Variants in MTMR9 observed in about 807,000 individuals in gnomAD.
The protein encoded by MTMR9 is myotubularin related protein 9, also known as myotubularin-related protein 9.
A neutral mutation model predicts 69.5 loss-of-function variants in MTMR9; 39 were observed. The observed-to-expected ratio is 0.56, with a 90% confidence interval of 0.43 to 0.73. The LOEUF is 0.73. Among genes scored for constraint, MTMR9 ranks in the 30% least tolerant of loss-of-function variants. The pLI is 0.00. For missense variants in MTMR9, 900 were observed against 671.2 expected, an observed-to-expected ratio of 1.34 and a Z score of -3.77; for synonymous variants, 354 against 240.8, an observed-to-expected ratio of 1.47 and a Z score of -4.35.
At chr8:11,330,458 C>T (rs887758976), downstream of MTMR9, among the ~76,000 whole-genome samples, 9 of 152,048 alleles carry the variant, frequency 5.9e-5, no homozygotes, top group African/African-American at 1.2e-4. Flanking sequence ...ATGACGATGG[C>T]GGTTTTGTGG....
chr8:11,315,029 G>C lies in MTMR9; in HGVS notation c.1078G>C (p.Gly360Arg). Reference protein sequence around the residue: ...ILEPRSRTIRGFEALIEREWL... With the variant: ...ILEPRSRTIRRFEALIEREWL... Reference sequence around the variant, plus strand: ...AGAGCCAAGAAGCAGGACCATTCGTGGTTTTGAGGCCCTGATTGAAAGAGA... The same window carrying C: ...AGAGCCAAGAAGCAGGACCATTCGTCGTTTTGAGGCCCTGATTGAAAGAGA... Residue 360 changes from glycine (G) to arginine (R), a missense_variant, in exon 7 of 10, where the codon GGT (glycine) becomes CGT (arginine). Physicochemically the swap from Gly to Arg is moderately radical, Grantham distance 125. Coordinates refer to ENST00000221086, the MANE Select transcript of MTMR9 (RefSeq NM_015458.4). 1 of 1,613,870 alleles carries C rather than the reference G, an allele frequency of 6.2e-7. No individual in the cohort carries two copies. Among genetic ancestry groups the C allele is most frequent in the Non-Finnish European group, 8.5e-7 (1 of 1,179,820 alleles).
Position 11,312,258 on chromosome 8 carries a change from C to T in MTMR9, c.971+2570C>T, listed in dbSNP as rs189513194. On this transcript the variant is annotated intron_variant, in intron 6 of 9. Coordinates refer to ENST00000221086, the MANE Select transcript of MTMR9 (RefSeq NM_015458.4). Reference sequence around the variant, plus strand: ...AGAGATGTGGTTTCTGTTTATTGCCCGGTCTGGTCTCAAATTCCTGAGCTC... The same window carrying T: ...AGAGATGTGGTTTCTGTTTATTGCCTGGTCTGGTCTCAAATTCCTGAGCTC... Among the ~76,000 whole-genome samples the T allele has an allele frequency of 2.2e-4, 33 of 152,132 alleles. No individual in the cohort carries two copies. The East Asian group carries it at 4.4e-3, about 20-fold the overall frequency.
chr8:11,331,182 C>T (rs563824100), downstream of MTMR9: 53 of 1,613,706 alleles, frequency 3.3e-5, no homozygotes, highest in South Asian at 7.7e-5. Context: ...ACCCAGCCTC[C>T]GCTGGCACCA....
At chr8:11,319,151 G>C (rs1279222929) in intron 8 of MTMR9, 6 of 151,236 alleles carry the variant, frequency 4.0e-5, no homozygotes, top group African/African-American at 1.5e-4. Flanking sequence ...TGTAAATAAT[G>C]AAGACCCTGG....
Position 11,284,879 on chromosome 8 carries a change from G to GC in MTMR9, c.-9dup. ...CGGGCTCGGTTCCCTGGCTCCGGCCGCGGGGGAGCATGGAGTTTGCGGAGC... is the reference window on the plus strand; with the variant it reads ...CGGGCTCGGTTCCCTGGCTCCGGCCGCCGGGGGAGCATGGAGTTTGCGGAGC... On this transcript the variant is annotated 5_prime_UTR_variant, in exon 1 of 10. Coordinates refer to ENST00000221086, the MANE Select transcript of MTMR9 (RefSeq NM_015458.4). 1 of 1,491,692 alleles carries GC rather than the reference G, an allele frequency of 6.7e-7. No individual in the cohort carries two copies. The highest frequency in any genetic ancestry group is 8.9e-7 in the Non-Finnish European group (1 of 1,127,340). The allele number at this position is 1,491,692 out of a possible 1,614,324, so 92.4% of individuals were successfully genotyped here. A position where few individuals can be genotyped will look rare whatever the true frequency, so the allele number is the denominator to read the frequency against.
chr8:11,287,786 TTATATATAATACATATTA>T (rs1312206661), intron 1 of MTMR9, among the ~76,000 whole-genome samples: 1 of 110,212 alleles, frequency 9.1e-6, no homozygotes, highest in African/African-American at 3.6e-5. Flanking sequence ...TTATTATATA[TTATATATAATACATATTA>T]TATAATACAT....
At chr8:11,329,253 G>A (rs957838414), downstream of MTMR9, among the ~76,000 whole-genome samples, 1 of 152,154 alleles carries the variant, frequency 6.6e-6, no homozygotes, top group African/African-American at 2.4e-5. Flanking sequence ...AATTAGCCAG[G>A]CATGATGGTG....
At chr8:11,329,952 G>A (rs1280335460), downstream of MTMR9, among the ~76,000 whole-genome samples, 4 of 150,688 alleles carry the variant, frequency 2.7e-5, no homozygotes, top group South Asian at 2.1e-4. Flanking sequence ...GGTGAGAAGC[G>A]TCTCTGCCCG....
intron 1 of MTMR9, among the ~76,000 whole-genome samples, chr8:11,292,089 C>G (rs1307451777): frequency 6.6e-6 from 1 of 152,044 alleles, no homozygotes; most frequent in Admixed American, 6.6e-5. Context: ...TTTGCATTAT[C>G]TAGAAATTTA....
intron 8 of MTMR9, 75 bp from the exon 9 acceptor site, chr8:11,319,586 ATCTTCTTTCATACTGAGAAGAAATTG>A: frequency 8.0e-7 from 1 of 1,244,968 alleles, no homozygotes. Flanking sequence ...CTTGTATTCT[ATCTTCTTTCATACTGAGAAGAAATTG>A]TCCTCGTAAG....
At chr8:11,297,140 C>G (rs535716403) in intron 2 of MTMR9, among the ~76,000 whole-genome samples, 7 of 152,210 alleles carry the variant, frequency 4.6e-5, no homozygotes, top group African/African-American at 1.4e-4. Context: ...CTAATCTGGA[C>G]TTTGTGTCCA....
the MTMR9 span, among the ~76,000 whole-genome samples, chr8:11,334,026 C>T: frequency 2.6e-5 from 4 of 152,174 alleles, no homozygotes; most frequent in Non-Finnish European, 1.5e-5. Flanking sequence ...AGCCCCGGTC[C>T]TTTTCTGTCT....
intron 2 of MTMR9, among the ~76,000 whole-genome samples, chr8:11,296,550 C>A (rs1529855): frequency 1.3e-5 from 2 of 152,142 alleles, no homozygotes; most frequent in Non-Finnish European, 2.9e-5. Flanking sequence ...TCCCCTCTCT[C>A]CAGCTCCTGA....
chr8:11,322,562 A>T (rs914470019), intron 9 of MTMR9, 63 bp from the exon 10 acceptor site: 5 of 1,381,438 alleles, frequency 3.6e-6, no homozygotes, highest in Admixed American at 1.9e-5. Context: ...TTATCCACAA[A>T]TGTAATTTTA....
intron 1 of MTMR9, among the ~76,000 whole-genome samples, chr8:11,293,466 T>G (rs1799436288): frequency 6.6e-6 from 1 of 152,200 alleles, no homozygotes. Flanking sequence ...AGCCTGTTGA[T>G]GAAGTCCTCA....
At chr8:11,312,111 C>G (rs1800224160) in intron 6 of MTMR9, among the ~76,000 whole-genome samples, 1 of 152,066 alleles carries the variant, frequency 6.6e-6, no homozygotes, top group Non-Finnish European at 1.5e-5. Flanking sequence ...GTGGCAGGAT[C>G]ACGGCGCACC....
intron 3 of MTMR9, chr8:11,300,633 C>T (rs1198089617): frequency 6.6e-6 from 1 of 151,580 alleles, no homozygotes; most frequent in African/African-American, 2.4e-5. Context: ...AAAATAAGAG[C>T]AGAAAGCAAT....
chr8:11,332,751 G>C (rs1023322650), downstream of MTMR9, among the ~76,000 whole-genome samples: 3 of 152,232 alleles, frequency 2.0e-5, no homozygotes, highest in Admixed American at 2.0e-4. Flanking sequence ...ACAGGTGCAT[G>C]CCACCACACG....
intron 1 of MTMR9, among the ~76,000 whole-genome samples, chr8:11,294,391 C>T (rs1312193659): frequency 6.6e-6 from 1 of 151,622 alleles, no homozygotes; most frequent in African/African-American, 2.4e-5. Context: ...TTTGTAAATG[C>T]CCTTATCAGG....
Sources: allele counts gnomAD v4.1 joint callset (sites outside exome capture counted in the v4.1 genomes callset), GRCh38; gene constraint gnomAD v4.1.1; transcripts MANE v1.5; gene names NCBI Gene and HGNC (gene_info 2026-07-23, HGNC 2026-07-21).